PSMA1: variants seen among roughly 807,000 people sequenced by gnomAD.
The protein encoded by PSMA1 is proteasome subunit alpha type-1.
In PSMA1, 3 loss-of-function variants were observed where a neutral mutation model predicts 38.4. That is an observed-to-expected ratio of 0.08 (90% CI 0.04 to 0.20). The LOEUF (loss-of-function observed/expected upper bound fraction) is 0.20, where lower values mean the gene tolerates loss of function less well. PSMA1 is among the 10% of genes least tolerant of loss of function. The pLI is 1.00. For synonymous variants in PSMA1, 101 were observed against 107.1 expected (o/e 0.94, Z 0.35); for missense variants, 227 against 325.3 (o/e 0.70, Z 2.32).
chr11:14,590,015 A>G lies in PSMA1; in HGVS notation c.21+20951T>C, dbSNP rs117633354. ...ATACTATGAAATATTATCCAGCTTT[A>G]AAAGGGGAGGAAGTTCTGATGCATG... is the stretch of plus-strand genomic sequence containing the variant. On this transcript the variant is annotated intron_variant, in intron 2 of 10. Transcript: ENST00000418988. 5.0e-3 allele frequency among the ~76,000 whole-genome samples: 755 copies of G among 152,356 alleles called. 6 individuals are homozygous for G. Among genetic ancestry groups the G allele is most frequent in the Non-Finnish European group, 9.2e-3 (628 of 68,034 alleles).
intron 2 of PSMA1, among the ~76,000 whole-genome samples, chr11:14,579,955 C>T (rs1394406205): frequency 6.6e-6 from 1 of 152,118 alleles, no homozygotes; most frequent in African/African-American, 2.4e-5. Flanking sequence ...TGATTGTGTG[C>T]TGAGGAAAGG....
At chr11:14,507,849 A>G in intron 8 of PSMA1, 83 bp from the exon 9 acceptor site, 1 of 936,010 alleles carries the variant, frequency 1.1e-6, no homozygotes, top group Non-Finnish European at 1.7e-6. Context: ...TGAAAAAAGC[A>G]GAATAAGAAT....
intron 1 of PSMA1, among the ~76,000 whole-genome samples, chr11:14,620,418 C>T (rs1284296301): frequency 6.6e-6 from 1 of 152,200 alleles, no homozygotes; most frequent in Non-Finnish European, 1.5e-5. Context: ...AACCCATGCC[C>T]TGGCCCATAG....
In PSMA1 at chr11:14,549,380, G is replaced by A. The variant is rs991285234; in HGVS notation, c.22-30339C>T. Among the ~76,000 whole-genome samples the A allele has an allele frequency of 3.9e-5, 6 of 152,046 alleles. No homozygotes were observed. In the South Asian group the frequency reaches 6.2e-4, roughly 16 times the overall value. On this transcript the variant is annotated intron_variant, in intron 2 of 10. Coordinates refer to the PSMA1 transcript ENST00000418988. Reference sequence around the variant, plus strand: ...CCCATTATATGCAATCTGATTTTGTGATTTCCTGAAATGGAAATCAAACCT... The same window carrying A: ...CCCATTATATGCAATCTGATTTTGTAATTTCCTGAAATGGAAATCAAACCT...
chr11:14,509,753 C>T (rs1353300890), intron 8 of PSMA1, among the ~76,000 whole-genome samples: 8 of 129,800 alleles, frequency 6.2e-5, no homozygotes, highest in African/African-American at 1.5e-4. Flanking sequence ...CTCGCTCTGT[C>T]GCCCAGGCTG....
chr11:14,508,073 A>T (rs1392427611), intron 8 of PSMA1, among the ~76,000 whole-genome samples: 1 of 152,198 alleles, frequency 6.6e-6, no homozygotes, highest in African/African-American at 2.4e-5. Context: ...ATAATTATCC[A>T]ATCACCATAA....
At chr11:14,584,401 G>T (rs1044439218) in intron 2 of PSMA1, among the ~76,000 whole-genome samples, 9 of 151,882 alleles carry the variant, frequency 5.9e-5, no homozygotes, top group Admixed American at 3.9e-4. Context: ...CTTTTTAAGT[G>T]GAAGATACCA....
intron 2 of PSMA1, among the ~76,000 whole-genome samples, chr11:14,563,102 A>C (rs1852028609): frequency 6.6e-6 from 1 of 152,188 alleles, no homozygotes; most frequent in African/African-American, 2.4e-5. Context: ...GGTTGACATT[A>C]AAGTATTTAA....
At chr11:14,578,677 A>G (rs958760812) in intron 2 of PSMA1, among the ~76,000 whole-genome samples, 3 of 152,258 alleles carry the variant, frequency 2.0e-5, no homozygotes, top group Admixed American at 2.0e-4. Context: ...GTCAGGAAGC[A>G]GCTATCTACG....
At chr11:14,584,786 T>C (rs1852323886) in intron 2 of PSMA1, among the ~76,000 whole-genome samples, 1 of 152,246 alleles carries the variant, frequency 6.6e-6, no homozygotes, top group South Asian at 2.1e-4. Flanking sequence ...GACTGACCTT[T>C]GGTTCTCTTC....
chr11:14,632,226 A>T (rs1199793198), intron 1 of PSMA1, among the ~76,000 whole-genome samples: 28 of 147,642 alleles, frequency 1.9e-4, no homozygotes, highest in African/African-American at 7.0e-4. Context: ...TAGCTGGTTA[A>T]TTTGCTCGTT....
chr11:14,627,183 A>G (rs1852921861), intron 1 of PSMA1, among the ~76,000 whole-genome samples: 1 of 152,190 alleles, frequency 6.6e-6, no homozygotes, highest in Non-Finnish European at 1.5e-5. Context: ...ATACAGACAC[A>G]CTGGGGTTAG....
At chr11:14,640,106 T>C (rs938615708) in intron 1 of PSMA1, among the ~76,000 whole-genome samples, 1 of 152,064 alleles carries the variant, frequency 6.6e-6, no homozygotes, top group Non-Finnish European at 1.5e-5. Flanking sequence ...TGGAGATAGA[T>C]TAAATGCTGG....
At chr11:14,624,167 A>G (rs1368548208) in intron 1 of PSMA1, among the ~76,000 whole-genome samples, 1 of 152,252 alleles carries the variant, frequency 6.6e-6, no homozygotes, top group African/African-American at 2.4e-5. Context: ...ACACTGGAAC[A>G]GCTATCTAAA....
chr11:14,546,934 A>G (rs190155692), intron 2 of PSMA1, among the ~76,000 whole-genome samples: 135 of 152,324 alleles, frequency 8.9e-4, no homozygotes, highest in Middle Eastern at 6.8e-3. Flanking sequence ...TTACCAGAAC[A>G]TGCCTTATGA....
chr11:14,510,167 C>T (rs2134143106), intron 8 of PSMA1, among the ~76,000 whole-genome samples: 1 of 152,180 alleles, frequency 6.6e-6, no homozygotes, highest in African/African-American at 2.4e-5. Context: ...CATTACCTCT[C>T]TGATTTCTTC....
chr11:14,517,031 G>A (rs1213596897), intron 4 of PSMA1, among the ~76,000 whole-genome samples: 1 of 152,214 alleles, frequency 6.6e-6, no homozygotes, highest in African/African-American at 2.4e-5. Flanking sequence ...TGGTGAAGGT[G>A]AGAACTCAAT....
At chr11:14,543,198 A>G (rs1442633023) in intron 2 of PSMA1, among the ~76,000 whole-genome samples, 1 of 152,184 alleles carries the variant, frequency 6.6e-6, no homozygotes, top group East Asian at 1.9e-4. Context: ...CCAAATTTCA[A>G]AAATTAACTC....
chr11:14,610,998 GAGACAGTCACCTAGT>G, exon 2 of PSMA1: 1 of 1,612,718 alleles, frequency 6.2e-7, no homozygotes, highest in South Asian at 1.1e-5. Flanking sequence ...ACATTTCCAG[GAGACAGTCACCTAGT>G]AGACCAACAT....
Sources: allele counts gnomAD v4.1 joint callset (sites outside exome capture counted in the v4.1 genomes callset), GRCh38; gene constraint gnomAD v4.1.1; transcripts MANE v1.5; gene names NCBI Gene and HGNC (gene_info 2026-07-23, HGNC 2026-07-21).